Variants in BMPR1A observed in about 807,000 individuals in gnomAD.
The protein encoded by BMPR1A is bone morphogenetic protein receptor type 1A.
In BMPR1A, 7 loss-of-function variants were observed where a neutral mutation model predicts 66.0. The ratio of observed to expected loss-of-function variants is 0.11; its 90% CI spans 0.06 to 0.20. The LOEUF is 0.20. Ranked by LOEUF, BMPR1A falls within the 10% of genes least tolerant of loss-of-function variation. The pLI is 1.00. For missense variants in BMPR1A, 408 were observed against 669.1 expected, an observed-to-expected ratio of 0.61 and a Z score of 4.31; for synonymous variants, 200 against 229.7, an observed-to-expected ratio of 0.87 and a Z score of 1.17.
At chr10:86,834,929 G>A (rs567685797) in intron 1 of BMPR1A, among the ~76,000 whole-genome samples, 3 of 152,076 alleles carry the variant, frequency 2.0e-5, no homozygotes, top group African/African-American at 7.2e-5. Flanking sequence ...ACAGTGCATG[G>A]GGTGCTTTTT....
chr10:86,807,770 GT>G (rs932076701), intron 1 of BMPR1A, among the ~76,000 whole-genome samples: 8 of 151,250 alleles, frequency 5.3e-5, no homozygotes, highest in Non-Finnish European at 8.9e-5. Flanking sequence ...TATAGTTGTG[GT>G]TTTTTTTCCT....
intron 10 of BMPR1A, among the ~76,000 whole-genome samples, chr10:86,920,198 C>T (rs188651963): frequency 1.3e-5 from 2 of 152,268 alleles, no homozygotes; most frequent in East Asian, 3.9e-4. Flanking sequence ...TGCACTTGTA[C>T]AAGCATTTCT....
At chr10:86,911,441 A>C (rs918580168) in intron 7 of BMPR1A, among the ~76,000 whole-genome samples, 3 of 152,154 alleles carry the variant, frequency 2.0e-5, no homozygotes, top group African/African-American at 7.2e-5. Context: ...CAATTGAATA[A>C]TGTGCAATAA....
In BMPR1A at chr10:86,873,040, A is replaced by G. The variant is rs571615688; in HGVS notation, c.-152-2827A>G. The stretch of plus-strand genomic sequence containing the variant: ...GTTTTTGCGGAAGGAACTCACACAC[A>G]GTCCTTTCCTCTGAAAGGGAAAGCA... On this transcript the variant is annotated intron_variant, in intron 2 of 12. Coordinates refer to ENST00000372037, the MANE Select transcript of BMPR1A (RefSeq NM_004329.3). Among the ~76,000 whole-genome samples, 4 of 152,328 alleles carry G rather than the reference A, an allele frequency of 2.6e-5. No homozygotes were observed. The East Asian group carries it at 7.7e-4, about 29-fold the overall frequency.
intron 8 of BMPR1A, among the ~76,000 whole-genome samples, chr10:86,914,220 T>A (rs1273488235): frequency 3.9e-5 from 6 of 152,174 alleles, no homozygotes; most frequent in Non-Finnish European, 7.4e-5. Flanking sequence ...ACCAAGAAGT[T>A]AATCTCAGTC....
intron 5 of BMPR1A, among the ~76,000 whole-genome samples, chr10:86,894,309 A>T (rs1229838910): frequency 3.3e-5 from 5 of 152,248 alleles, no homozygotes; most frequent in Admixed American, 3.3e-4. Context: ...TCTTCACACA[A>T]ATAAGTAGAT....
At chr10:86,820,270 T>C (rs139709501) in intron 1 of BMPR1A, among the ~76,000 whole-genome samples, 1 of 152,166 alleles carries the variant, frequency 6.6e-6, no homozygotes, top group Non-Finnish European at 1.5e-5. Flanking sequence ...CTCAAACTAC[T>C]GGGTTTAAGC....
At chr10:86,808,994 A>G (rs537703383) in intron 1 of BMPR1A, among the ~76,000 whole-genome samples, 2 of 152,298 alleles carry the variant, frequency 1.3e-5, no homozygotes, top group South Asian at 2.1e-4. Flanking sequence ...TTGGAACAAA[A>G]GAACTTGAAC....
At chr10:86,760,236 C>CTTTTTTTTT (rs1841025275) in intron 1 of BMPR1A, among the ~76,000 whole-genome samples, 1 of 20,064 alleles carries the variant, frequency 5.0e-5, no homozygotes, top group Non-Finnish European at 8.8e-5. Flanking sequence ...TTCTTTCTTT[C>CTTTTTTTTT]TTTCTTTCTT....
chr10:86,844,165 T>A (rs1842456270), intron 2 of BMPR1A, among the ~76,000 whole-genome samples: 1 of 152,212 alleles, frequency 6.6e-6, no homozygotes, highest in Non-Finnish European at 1.5e-5. Context: ...GCAACAAGTT[T>A]TTTTGGCATT....
intron 1 of BMPR1A, among the ~76,000 whole-genome samples, chr10:86,784,380 C>T (rs117651882): frequency 0.014 from 2,082 of 152,206 alleles, 26 homozygotes; most frequent in Admixed American, 0.039. Flanking sequence ...GTCCTTCATT[C>T]GGTTAATGTG....
chr10:86,908,286 C>A (rs1349473207), intron 7 of BMPR1A, among the ~76,000 whole-genome samples: 1 of 152,146 alleles, frequency 6.6e-6, no homozygotes, highest in African/African-American at 2.4e-5. Flanking sequence ...CATTTTACAT[C>A]GTATACATGC....
chr10:86,861,971 C>T (rs1842718047), intron 2 of BMPR1A, among the ~76,000 whole-genome samples: 1 of 152,126 alleles, frequency 6.6e-6, no homozygotes, highest in South Asian at 2.1e-4. Flanking sequence ...GTTTTAATTT[C>T]TTCTGCTCCA....
chr10:86,808,204 A>T (rs1451031091), intron 1 of BMPR1A, among the ~76,000 whole-genome samples: 3 of 152,158 alleles, frequency 2.0e-5, no homozygotes, highest in African/African-American at 7.2e-5. Context: ...ATGTTTGTTC[A>T]TAATATTCCT....
chr10:86,839,235 C>T (rs1842391902), intron 2 of BMPR1A, among the ~76,000 whole-genome samples: 2 of 152,118 alleles, frequency 1.3e-5, no homozygotes, highest in South Asian at 4.1e-4. Flanking sequence ...TTTCATAAAT[C>T]TCCTTTTAGA....
chr10:86,813,557 A>G (rs1841997611), intron 1 of BMPR1A, among the ~76,000 whole-genome samples: 1 of 152,174 alleles, frequency 6.6e-6, no homozygotes, highest in South Asian at 2.1e-4. Flanking sequence ...TTTGTCACAT[A>G]TTATGTCTCT....
At chr10:86,821,831 G>A (rs1842124503) in intron 1 of BMPR1A, among the ~76,000 whole-genome samples, 1 of 151,742 alleles carries the variant, frequency 6.6e-6, no homozygotes, top group Non-Finnish European at 1.5e-5. Flanking sequence ...CTTGAGACGG[G>A]TTCTTGGCTC....
At position 86,890,066 on chromosome 10, in the gene BMPR1A, G is replaced by A. The variant is rs752141538; in HGVS notation, c.72G>A (p.Gln24=). 1 of 1,612,778 alleles carries A rather than the reference G, an allele frequency of 6.2e-7. No individual in the cohort carries two copies. Among genetic ancestry groups the A allele is most frequent in the South Asian group, 1.1e-5 (1 of 91,026 alleles). The change falls in exon 4 of 13, where the codon CAG becomes CAA. Residue 24 remains glutamine (Q), a synonymous_variant. Transcript: ENST00000372037. The part of the protein sequence containing the change: ...YLFIISRVQG[Q]NLDSMLHGTG... Reference sequence around the variant, plus strand: ...AAATTCCATATTTGAATGCAGGACAGAATCTGGATAGTATGCTTCATGGCA... The same window carrying A: ...AAATTCCATATTTGAATGCAGGACAAAATCTGGATAGTATGCTTCATGGCA...
intron 1 of BMPR1A, among the ~76,000 whole-genome samples, chr10:86,800,541 G>A (rs7903077): frequency 5.9e-5 from 9 of 152,072 alleles, no homozygotes; most frequent in Non-Finnish European, 1.2e-4. Flanking sequence ...ACAGGCTTCC[G>A]CCACCATGCC....
Sources: allele counts gnomAD v4.1 joint callset (sites outside exome capture counted in the v4.1 genomes callset), GRCh38; gene constraint gnomAD v4.1.1; transcripts MANE v1.5; gene names NCBI Gene and HGNC (gene_info 2026-07-23, HGNC 2026-07-21).